The following TOP2A variants were observed in gnomAD, a reference collection of about 807,000 sequenced individuals.
TOP2A encodes the protein DNA topoisomerase II alpha.
TOP2A carries 68 observed loss-of-function variants against 187.2 expected under a neutral mutation model. The ratio of observed to expected loss-of-function variants is 0.36; its 90% CI spans 0.30 to 0.44. The LOEUF is 0.44. TOP2A is among the 20% of genes least tolerant of loss of function. The pLI is 1.00. For synonymous variants in TOP2A, 542 were observed against 593.2 expected (o/e 0.91, Z 1.25); for missense variants, 1,196 against 1,808.7 (o/e 0.66, Z 6.14).
chr17:40,389,334 G>T lies in TOP2A; in HGVS notation c.*185C>A. 1.9e-6 allele frequency: 1 copy of T among 529,824 alleles called. No homozygotes were observed. Among genetic ancestry groups the T allele is most frequent in the Non-Finnish European group, 3.2e-6 (1 of 316,334 alleles). The allele number at this position is 529,824 out of a possible 1,614,324, so 32.8% of individuals were successfully genotyped here. On this transcript the variant is annotated 3_prime_UTR_variant, in exon 35 of 35. Coordinates refer to ENST00000423485, the MANE Select transcript of TOP2A (RefSeq NM_001067.4). ...GAGAAGAAAACAATGCCCATGAGAT[G>T]GTCACTATTTAGACAGTATTATAAA...
At chr17:40,416,924 AG>A in intron 1 of TOP2A, 29 bp from the exon 2 acceptor site, 2 of 1,556,388 alleles carry the variant, frequency 1.3e-6, no homozygotes, top group Non-Finnish European at 8.7e-7. Context: ...GAGAGAAAGA[AG>A]GGAATTTTTA....
Position 40,400,261 on chromosome 17 carries a change from ACT to A in TOP2A, c.2946_2947del (p.Arg982SerfsTer12). ...GAGTTTGAAGACTTTGTGTAGTCCA[ACT>A]CTCTCTGCCTCTGCCAGTTTTTCTT... On this transcript the variant is annotated frameshift_variant, in exon 23 of 35. Transcript: ENST00000423485. LOFTEE classifies it high-confidence loss of function. The A allele has an allele frequency of 6.2e-7, 1 of 1,613,612 alleles. No homozygotes were observed. Among genetic ancestry groups the A allele is most frequent in the Non-Finnish European group, 8.5e-7 (1 of 1,179,844 alleles).
At chr17:40,409,498 C>G (rs1206215859) in intron 10 of TOP2A, 1 of 444,890 alleles carries the variant, frequency 2.2e-6, no homozygotes, top group East Asian at 7.3e-5. Flanking sequence ...GTGGCTTACG[C>G]CTGTAATCAC....
chr17:40,410,525 A>C (rs575590822), intron 10 of TOP2A: 3 of 402,796 alleles, frequency 7.4e-6, no homozygotes, highest in East Asian at 1.6e-4. Context: ...AAAGTCACTC[A>C]AAAGCATTCC....
At chr17:40,405,615 C>A (rs1258355810) in intron 16 of TOP2A, among the ~76,000 whole-genome samples, 1 of 151,798 alleles carries the variant, frequency 6.6e-6, no homozygotes, top group Non-Finnish European at 1.5e-5. Flanking sequence ...TCACCAAGCC[C>A]GGCTAATTTT....
Position 40,392,252 on chromosome 17 carries a change from C to T in TOP2A, c.4054G>A (p.Asp1352Asn), listed in dbSNP as rs765583738. The stretch of plus-strand genomic sequence containing the variant: ...GTTTTGGTCTTAGGTGGACTAGCAT[C>T]TGATGGGACAAAATCTTCATCATCA... ...KTDDEDFVPS[D>N]ASPPKTKTSP... Residue 1352 changes from aspartate (D) to asparagine (N), a missense_variant, in exon 31 of 35, where the codon GAT (aspartate) becomes AAT (asparagine). Coordinates refer to ENST00000423485, the MANE Select transcript of TOP2A (RefSeq NM_001067.4). The T allele has an allele frequency of 6.2e-7, 1 of 1,613,170 alleles. No individual in the cohort carries two copies. Among genetic ancestry groups the T allele is most frequent in the Non-Finnish European group, 8.5e-7 (1 of 1,179,526 alleles).
At position 40,413,209 on chromosome 17, in the gene TOP2A, T is replaced by C; in HGVS notation, c.562A>G (p.Lys188Glu). The change falls in exon 6 of 35, where the codon AAA becomes GAA. Residue 188 changes from lysine to glutamate, a missense_variant. Physicochemically the swap from Lys to Glu is moderately conservative, Grantham distance 56. This residue lies in a region of TOP2A where 252 missense variants were observed against 434.8 expected (regional missense o/e 0.58). Coordinates refer to ENST00000423485, the MANE Select transcript of TOP2A (RefSeq NM_001067.4). ...TATTTACTTGCCTGTTTGAACATTT[T>C]CTTGTATTCTCTACTGGCTGTTTCC... The part of the protein sequence containing the change: ...TVETASREYK[K>E]MFKQTWMDNM... 4 of 1,558,924 alleles carry C rather than the reference T, an allele frequency of 2.6e-6. No homozygotes were observed. In the South Asian group the frequency reaches 4.7e-5, roughly 18 times the overall value.
At chr17:40,407,445 A>G (rs2035263661) in intron 13 of TOP2A, 104 bp downstream of exon 13, 1 of 898,738 alleles carries the variant, frequency 1.1e-6, no homozygotes, top group African/African-American at 1.7e-5. Context: ...TGATGAATAA[A>G]GCTCCTATTT....
At chr17:40,392,003 G>A in intron 32 of TOP2A, 65 bp downstream of exon 32, 2 of 1,525,828 alleles carry the variant, frequency 1.3e-6, no homozygotes, top group East Asian at 2.3e-5. Context: ...GCCAGGATTA[G>A]AACCCAGTTG....
chr17:40,413,360 C>A lies in TOP2A; in HGVS notation c.479-68G>T, dbSNP rs900238503. On this transcript the variant is annotated intron_variant, in intron 5 of 34. Transcript: ENST00000423485. ...CATTGACAGCTTTATTTCTTAATCA[C>A]TGGCAGAGCTATTCAATTATAGAGA... The A allele has an allele frequency of 5.6e-6, 8 of 1,420,242 alleles. No homozygotes were observed. In the Admixed American group the frequency reaches 1.3e-4, roughly 24 times the overall value. The allele number at this position is 1,420,242 out of a possible 1,614,324, so 88.0% of individuals were successfully genotyped here.
chr17:40,408,063 CAA>C lies in TOP2A; in HGVS notation c.1402_1403del (p.Leu468GlyfsTer19). 1 of 1,613,572 alleles carries C rather than the reference CAA, an allele frequency of 6.2e-7. No homozygotes were observed. The highest frequency in any genetic ancestry group is 8.5e-7 in the Non-Finnish European group (1 of 1,179,644). ...CAACCACACCAAGGCCTGAAACAGCCAAAGTTTTGGCTGAATCTCCCTCAGTC... is the reference window on the plus strand; with the variant it reads ...CAACCACACCAAGGCCTGAAACAGCCAGTTTTGGCTGAATCTCCCTCAGTC... ...ILTEGDSAKT[L>X]AVSGLGVVGR... On this transcript the variant is annotated frameshift_variant, in exon 12 of 35. Transcript: ENST00000423485. LOFTEE classifies it high-confidence loss of function.
chr17:40,391,506 T>G lies in TOP2A; in HGVS notation c.4267A>C (p.Ser1423Arg). ...NVTVKKTAAK[S>R]QSSTSTTGAK... Reference sequence around the variant, plus strand: ...ACCCATCTCAAAGATTTAGGCTTACTTTTTGCTGCTGTCTTCTTCACTGTC... The same window carrying G: ...ACCCATCTCAAAGATTTAGGCTTACGTTTTGCTGCTGTCTTCTTCACTGTC... Residue 1423 changes from serine (S) to arginine (R), a missense_variant and splice_region_variant, in exon 33 of 35, where the codon AGT becomes CGT. This residue lies in a region of TOP2A where 374 missense variants were observed against 403.3 expected (regional missense o/e 0.93). Coordinates refer to ENST00000423485, the MANE Select transcript of TOP2A (RefSeq NM_001067.4). The G allele has an allele frequency of 5.0e-6, 8 of 1,608,474 alleles. No homozygotes were observed. The highest frequency in any genetic ancestry group is 6.8e-6 in the Non-Finnish European group (8 of 1,178,220).
intron 29 of TOP2A, among the ~76,000 whole-genome samples, chr17:40,394,417 C>T (rs2035064466): frequency 6.6e-6 from 1 of 152,210 alleles, no homozygotes; most frequent in African/African-American, 2.4e-5. Flanking sequence ...TCTGCAACCT[C>T]TGCCTCCTGG....
At chr17:40,396,052 T>G (rs2035093115) in intron 28 of TOP2A, among the ~76,000 whole-genome samples, 1 of 151,360 alleles carries the variant, frequency 6.6e-6, no homozygotes, top group Non-Finnish European at 1.5e-5. Context: ...TGACCTTGGC[T>G]CACTGCAACC....
At chr17:40,409,599 A>G in intron 10 of TOP2A, 1 of 339,342 alleles carries the variant, frequency 2.9e-6, no homozygotes. Context: ...TCTCTATTAA[A>G]AATACAAAAA....
At position 40,401,100 on chromosome 17, in the gene TOP2A, G is replaced by T; in HGVS notation, c.2433-19C>A. The T allele has an allele frequency of 6.3e-7, 1 of 1,594,024 alleles. No individual in the cohort carries two copies. The highest frequency in any genetic ancestry group is 1.7e-5 in the Admixed American group (1 of 58,064). On this transcript the variant is annotated intron_variant, in intron 20 of 34. Transcript: ENST00000423485. ...CAAAGAGCTAAAGAAAAGAAACAAA[G>T]AATGTTATTTTACAAAAATACTGAA... is the stretch of plus-strand genomic sequence containing the variant.
intron 11 of TOP2A, 111 bp from the exon 12 acceptor site, chr17:40,408,235 G>A (rs2143670506): frequency 2.2e-6 from 2 of 924,894 alleles, no homozygotes; most frequent in South Asian, 4.2e-5. Flanking sequence ...ACTATATAAT[G>A]AGCAAAATTA....
chr17:40,392,448 G>A, intron 30 of TOP2A, 107 bp from the exon 31 acceptor site: 1 of 1,479,244 alleles, frequency 6.8e-7, no homozygotes, highest in South Asian at 1.3e-5. Flanking sequence ...TCTCCTGAAA[G>A]ATGCTTCAGT....
At position 40,390,047 on chromosome 17, in the gene TOP2A, T is replaced by G. The variant is rs773267852; in HGVS notation, c.4385A>C (p.Asn1462Thr). 2 of 1,613,934 alleles carry G rather than the reference T, an allele frequency of 1.2e-6. No individual in the cohort carries two copies. Among genetic ancestry groups the G allele is most frequent in the Non-Finnish European group, 1.7e-6 (2 of 1,179,864 alleles). The change falls in exon 34 of 35, where the codon AAT (asparagine) becomes ACT (threonine). Residue 1462 changes from asparagine to threonine, a missense_variant. By Grantham distance (65) the Asn-to-Thr change is moderately conservative (BLOSUM62 0). Around this residue, in one of 10 missense-constraint regions of TOP2A, gnomAD observed 374 missense variants for 403.3 expected, o/e 0.93. Coordinates refer to ENST00000423485, the MANE Select transcript of TOP2A (RefSeq NM_001067.4). ...SQKPDPAKTK[N>T]RRKRKPSTSD... The stretch of plus-strand genomic sequence containing the variant: ...AGTGGATGGCTTCCTTTTGCGGCGA[T>G]TCTTGGTTTTGGCAGGATCAGGCTT...
Sources: gnomAD v4.1 joint callset for allele counts (sites outside exome capture counted in the v4.1 genomes callset) on GRCh38, gnomAD v4.1.1 for gene constraint, gnomAD v4.1.1 regional missense constraint, MANE v1.5 for transcripts, NCBI Gene and HGNC (gene_info 2026-07-23, HGNC 2026-07-21) for gene names.